Variants in RGS6 observed in about 807,000 individuals in gnomAD.
The protein encoded by RGS6 is regulator of G-protein signaling 6.
A neutral mutation model predicts 78.5 loss-of-function variants in RGS6; 30 were observed. The ratio of observed to expected loss-of-function variants is 0.38; its 90% CI spans 0.29 to 0.52. The LOEUF (loss-of-function observed/expected upper bound fraction) is 0.52, where lower values mean the gene tolerates loss of function less well. Among genes scored for constraint, RGS6 ranks in the 20% least tolerant of loss-of-function variants. The pLI, the probability that RGS6 is intolerant of heterozygous loss-of-function variation, is 0.85. For synonymous variants in RGS6, 206 were observed against 206.0 expected (o/e 1.00, Z 0.00); for missense variants, 495 against 609.7 (o/e 0.81, Z 1.98).
chr14:72,255,263 T>C (rs2056825687), intron 2 of RGS6, among the ~76,000 whole-genome samples: 1 of 152,060 alleles, frequency 6.6e-6, no homozygotes, highest in South Asian at 2.1e-4. Context: ...GGTGATGAGG[T>C]AGGTCCACGG....
chr14:72,589,233 T>C, the RGS6 span, among the ~76,000 whole-genome samples: 22 of 152,214 alleles, frequency 1.4e-4, no homozygotes, highest in Non-Finnish European at 2.8e-4. Flanking sequence ...GGTTCTCACC[T>C]GCTGCTGGGG....
intron 2 of RGS6, among the ~76,000 whole-genome samples, chr14:72,287,432 G>A (rs73304912): frequency 0.048 from 7,245 of 152,014 alleles, 517 homozygotes; most frequent in African/African-American, 0.16. Context: ...TGTTAACTGC[G>A]GGATTGTCAT....
the RGS6 span, among the ~76,000 whole-genome samples, chr14:72,619,004 C>T: frequency 6.6e-6 from 1 of 152,178 alleles, no homozygotes; most frequent in South Asian, 2.1e-4. Context: ...GAGAGGGCCT[C>T]GGTGCTAGGG....
At chr14:72,330,275 G>A (rs541888206) in intron 2 of RGS6, among the ~76,000 whole-genome samples, 12 of 152,318 alleles carry the variant, frequency 7.9e-5, no homozygotes, top group Admixed American at 3.9e-4. Flanking sequence ...CACACAAGCC[G>A]GTGATATCAG....
At position 72,540,094 on chromosome 14, in the gene RGS6, G is replaced by C; in HGVS notation, c.1422G>C (p.Val474=). ...RTSLEKFTRS[V]GKSLAGKRLT... The stretch of plus-strand genomic sequence containing the variant: ...CCCTAGAAAAGTTCACTCGCAGTGT[G>C]GTAAGTTCAGTCGGTTTTCTTCCCT... The change falls in exon 17 of 18, where the codon GTG becomes GTC. Residue 474 remains valine, a splice_region_variant and synonymous_variant. Transcript: ENST00000553525. 1 of 1,588,074 alleles carries C rather than the reference G, an allele frequency of 6.3e-7. No individual in the cohort carries two copies. Among genetic ancestry groups the C allele is most frequent in the Non-Finnish European group, 8.5e-7 (1 of 1,176,904 alleles).
intron 17 of RGS6, among the ~76,000 whole-genome samples, chr14:72,541,912 C>T (rs2097332900): frequency 6.6e-6 from 1 of 152,164 alleles, no homozygotes; most frequent in Non-Finnish European, 1.5e-5. Context: ...GATTTCCTTT[C>T]ATCCCAGAAG....
intron 2 of RGS6, among the ~76,000 whole-genome samples, chr14:72,230,280 C>T (rs1308128337): frequency 6.6e-6 from 1 of 152,046 alleles, no homozygotes; most frequent in Admixed American, 6.5e-5. Flanking sequence ...TCAGTGTTGA[C>T]AGAAGAAGGC....
chr14:72,281,385 G>T (rs2061561604), intron 2 of RGS6, among the ~76,000 whole-genome samples: 1 of 152,048 alleles, frequency 6.6e-6, no homozygotes, highest in South Asian at 2.1e-4. Context: ...CTGACCTCAG[G>T]TGATCCGCCT....
chr14:72,460,275 A>G (rs766855617), intron 6 of RGS6, among the ~76,000 whole-genome samples: 1 of 152,214 alleles, frequency 6.6e-6, no homozygotes, highest in Non-Finnish European at 1.5e-5. Flanking sequence ...ATTATTTAAT[A>G]TTCCTATATG....
intron 2 of RGS6, among the ~76,000 whole-genome samples, chr14:72,137,688 A>T (rs537989954): frequency 3.0e-4 from 46 of 152,336 alleles, no homozygotes; most frequent in African/African-American, 1.0e-3. Flanking sequence ...AGATGCATAG[A>T]ACATGGTTTG....
intron 14 of RGS6, among the ~76,000 whole-genome samples, chr14:72,515,234 TC>T (rs2096926314): frequency 1.3e-5 from 2 of 149,878 alleles, no homozygotes; most frequent in Non-Finnish European, 3.0e-5. Flanking sequence ...TCTTGCCCTT[TC>T]CCCCTCCTTC....
chr14:72,118,158 TA>T (rs397853465), intron 2 of RGS6, among the ~76,000 whole-genome samples: 1,618 of 146,576 alleles, frequency 0.011, 28 homozygotes, highest in African/African-American at 0.037. Context: ...CACTGCCATT[TA>T]AAAAAAAAAA....
At chr14:72,529,658 C>T (rs551808101) in intron 15 of RGS6, among the ~76,000 whole-genome samples, 51 of 152,072 alleles carry the variant, frequency 3.4e-4, no homozygotes, top group Admixed American at 5.9e-4. Context: ...ACCCCCCCCT[C>T]CCTGCAATCC....
intron 3 of RGS6, among the ~76,000 whole-genome samples, chr14:72,355,552 G>A (rs2080096537): frequency 6.6e-6 from 1 of 152,092 alleles, no homozygotes; most frequent in Admixed American, 6.6e-5. Flanking sequence ...TCTAAGCATT[G>A]TTAAGGACTT....
At chr14:72,478,068 A>G (rs1263261501) in intron 11 of RGS6, among the ~76,000 whole-genome samples, 200 bp from the exon 12 acceptor site, 1 of 152,210 alleles carries the variant, frequency 6.6e-6, no homozygotes, top group East Asian at 1.9e-4. Context: ...CAAAGGCTAA[A>G]TTGCAGAATA....
chr14:72,145,016 G>C (rs972980666), intron 2 of RGS6, among the ~76,000 whole-genome samples: 3 of 152,044 alleles, frequency 2.0e-5, no homozygotes, highest in African/African-American at 7.2e-5. Context: ...TCATAGAGGG[G>C]TCGAAGTGAG....
At chr14:72,525,450 A>T (rs1021261004) in intron 15 of RGS6, among the ~76,000 whole-genome samples, 1 of 152,238 alleles carries the variant, frequency 6.6e-6, no homozygotes, top group Non-Finnish European at 1.5e-5. Flanking sequence ...GCTCAAGGCC[A>T]GAATGAGGTC....
chr14:72,282,805 TAAC>T (rs558634390), intron 2 of RGS6, among the ~76,000 whole-genome samples: 2 of 152,316 alleles, frequency 1.3e-5, no homozygotes, highest in South Asian at 4.2e-4. Context: ...TCCACCTTCT[TAAC>T]AAATTTTTTA....
chr14:72,465,622 G>GTGGATGGATGGA lies in RGS6; in HGVS notation c.395-108_395-97dup, dbSNP rs551039934. On this transcript the variant is annotated intron_variant, in intron 6 of 17. Transcript: ENST00000553525. ...GATGGTTGGGTGGATGGGTGGATGGGTGGATGGATGGATGGATGGATGGAT... is the reference window on the plus strand; with the variant it reads ...GATGGTTGGGTGGATGGGTGGATGGGTGGATGGATGGATGGATGGATGGATGGATGGATGGAT... 19,399 of 353,564 alleles carry GTGGATGGATGGA rather than the reference G, an allele frequency of 0.055. 889 individuals carry two copies. Among genetic ancestry groups the GTGGATGGATGGA allele is most frequent in the Non-Finnish European group, 0.068 (12,798 of 188,274 alleles). 21.9% of individuals were successfully genotyped at this position (353,564 alleles called of 1,614,324 possible).
Sources: gnomAD v4.1 joint callset for allele counts (sites outside exome capture counted in the v4.1 genomes callset) on GRCh38, gnomAD v4.1.1 for gene constraint, MANE v1.5 for transcripts, NCBI Gene and HGNC (gene_info 2026-07-23, HGNC 2026-07-21) for gene names.